ENOPH1: variants seen among roughly 807,000 people sequenced by gnomAD.
The protein encoded by ENOPH1 is enolase-phosphatase 1.
In ENOPH1, 14 loss-of-function variants were observed where a neutral mutation model predicts 31.1. The ratio of observed to expected loss-of-function variants is 0.45; its 90% CI spans 0.30 to 0.70. The LOEUF (loss-of-function observed/expected upper bound fraction) is 0.70. Ranked by LOEUF, ENOPH1 falls within the 30% of genes least tolerant of loss-of-function variation. The probability of loss-of-function intolerance (pLI) is 0.09; values close to 1 mark genes in which losing one functional copy is unlikely to be tolerated. For synonymous variants in ENOPH1, 127 were observed against 123.2 expected, an observed-to-expected ratio of 1.03 and a Z score of -0.21; for missense variants, 243 against 321.5, an observed-to-expected ratio of 0.76 and a Z score of 1.87.
chr4:82,457,337 C>T (rs1043841455), intron 5 of ENOPH1, among the ~76,000 whole-genome samples: 6 of 152,086 alleles, frequency 3.9e-5, no homozygotes, highest in African/African-American at 1.4e-4. Context: ...AATGTAAGAC[C>T]TCTGTCTCTA....
At chr4:82,445,729 C>G (rs753720132) in intron 1 of ENOPH1, among the ~76,000 whole-genome samples, 5 of 152,168 alleles carry the variant, frequency 3.3e-5, no homozygotes, top group Non-Finnish European at 5.9e-5. Context: ...AGGCATGAGC[C>G]ACCATGCCCA....
intron 1 of ENOPH1, among the ~76,000 whole-genome samples, chr4:82,444,933 T>C (rs1352615876): frequency 1.3e-5 from 2 of 152,234 alleles, no homozygotes; most frequent in East Asian, 3.8e-4. Flanking sequence ...AAACATTTAT[T>C]GTCAATGGGT....
intron 1 of ENOPH1, 51 bp downstream of exon 1, chr4:82,430,964 T>G (rs371979177): frequency 7.3e-5 from 113 of 1,546,328 alleles, no homozygotes; most frequent in Middle Eastern, 1.7e-4. Context: ...AAACAGTTAT[T>G]ATTTTTTCTA....
Position 82,461,021 on chromosome 4 carries a change from C to T in ENOPH1, c.*901C>T, listed in dbSNP as rs1722632303. ...AAATTTTATAACAGCAGTATTTATC[C>T]TGGTTTAATTCTAATACGATGTCAT... On this transcript the variant is annotated 3_prime_UTR_variant, in exon 6 of 6. Coordinates refer to ENST00000273920, the MANE Select transcript of ENOPH1 (RefSeq NM_021204.5). 6.6e-6 allele frequency: 1 copy of T among 152,152 alleles called. No homozygotes were observed. The highest frequency in any genetic ancestry group is 2.4e-5 in the African/African-American group (1 of 41,438). The allele number at this position is 152,152 out of a possible 1,614,324, so 9.4% of individuals were successfully genotyped here.
At chr4:82,457,905 C>G (rs1722532290) in intron 5 of ENOPH1, among the ~76,000 whole-genome samples, 1 of 152,190 alleles carries the variant, frequency 6.6e-6, no homozygotes, top group Non-Finnish European at 1.5e-5. Flanking sequence ...AATTTCAGAT[C>G]TTTCTCTTCT....
chr4:82,456,880 T>G (rs1722503167), intron 4 of ENOPH1, 35 bp from the exon 5 acceptor site: 1 of 1,609,424 alleles, frequency 6.2e-7, no homozygotes, highest in African/African-American at 1.3e-5. Context: ...GCAAGTGTAT[T>G]TGTATTGCCA....
Position 82,448,006 on chromosome 4 carries a change from T to C in ENOPH1, c.171T>C (p.Ser57=). 1.2e-6 allele frequency: 2 copies of C among 1,611,180 alleles called. No individual in the cohort carries two copies. The highest frequency in any genetic ancestry group is 8.5e-7 in the Non-Finnish European group (1 of 1,177,784). The change falls in exon 2 of 6, where the codon AGT becomes AGC. Residue 57 remains serine (S), a synonymous_variant. Coordinates refer to ENST00000273920, the MANE Select transcript of ENOPH1 (RefSeq NM_021204.5). ...AAGAGGAGTGCCAGCAGGATGTCAG[T>C]CTTTTGAGGAAACAGGTTGGGACAT... ...WEEEECQQDV[S]LLRKQAEEDA... is the part of the protein sequence containing the mutation.
chr4:82,440,623 C>G (rs1267755014), intron 1 of ENOPH1, among the ~76,000 whole-genome samples: 1 of 152,216 alleles, frequency 6.6e-6, no homozygotes, highest in Non-Finnish European at 1.5e-5. Context: ...CTTTCTGGAA[C>G]TCATTGGAGA....
intron 3 of ENOPH1, among the ~76,000 whole-genome samples, chr4:82,453,965 G>A (rs1474824169): frequency 6.6e-6 from 1 of 151,944 alleles, no homozygotes; most frequent in Non-Finnish European, 1.5e-5. Flanking sequence ...CAGCACTTTG[G>A]GAGGCTGAAG....
chr4:82,430,731 G>C lies in ENOPH1; in HGVS notation c.-99G>C. On this transcript the variant is annotated 5_prime_UTR_variant, in exon 1 of 6. Coordinates refer to ENST00000273920, the MANE Select transcript of ENOPH1 (RefSeq NM_021204.5). ...GCTGGCTCCGAGATCGCGCGGGGCCGCCGGAAGCCCAAGACGGTACCGGGG... is the reference window on the plus strand; with the variant it reads ...GCTGGCTCCGAGATCGCGCGGGGCCCCCGGAAGCCCAAGACGGTACCGGGG... The C allele has an allele frequency of 1.7e-6, 2 of 1,145,872 alleles. No individual in the cohort carries two copies. Among genetic ancestry groups the C allele is most frequent in the Non-Finnish European group, 2.6e-6 (2 of 781,992 alleles). The allele number at this position is 1,145,872 out of a possible 1,614,324, so 71.0% of individuals were successfully genotyped here.
chr4:82,456,661 A>G (rs1296643994), intron 4 of ENOPH1, among the ~76,000 whole-genome samples: 1 of 152,202 alleles, frequency 6.6e-6, no homozygotes, highest in Non-Finnish European at 1.5e-5. Flanking sequence ...ATGTAAAATG[A>G]ACGGTAGTGA....
At chr4:82,446,998 G>A (rs1238375267) in intron 1 of ENOPH1, among the ~76,000 whole-genome samples, 1 of 151,536 alleles carries the variant, frequency 6.6e-6, no homozygotes, top group East Asian at 1.9e-4. Context: ...GAGCCACCGC[G>A]CCTGGCCAAC....
chr4:82,460,285 G>T lies in ENOPH1; in HGVS notation c.*165G>T. 1 of 589,370 alleles carries T rather than the reference G, an allele frequency of 1.7e-6. No homozygotes were observed. 36.5% of individuals were successfully genotyped at this position (589,370 alleles called of 1,614,324 possible). ...GATTAACTTCCATAGGTACATAAGT[G>T]AAAGAAGTCTCAGTTCAGTGAACAC... is the stretch of plus-strand genomic sequence containing the variant. On this transcript the variant is annotated 3_prime_UTR_variant, in exon 6 of 6. Coordinates refer to ENST00000273920, the MANE Select transcript of ENOPH1 (RefSeq NM_021204.5).
chr4:82,446,689 C>CTTTTTT (rs1175624219), intron 1 of ENOPH1, among the ~76,000 whole-genome samples: 9 of 67,508 alleles, frequency 1.3e-4, no homozygotes, highest in Non-Finnish European at 2.2e-4. Context: ...GTGACGGAAT[C>CTTTTTT]TTTTTTTTTT....
In ENOPH1 at chr4:82,454,846, A is replaced by G; in HGVS notation, c.514A>G (p.Ile172Val). 1 of 1,611,952 alleles carries G rather than the reference A, an allele frequency of 6.2e-7. No individual in the cohort carries two copies. The highest frequency in any genetic ancestry group is 8.5e-7 in the Non-Finnish European group (1 of 1,179,468). ...LLFGHSTEGD[I>V]LELVDGHFDT... is the part of the protein sequence containing the mutation. Reference sequence around the variant, plus strand: ...ATTCGGGCATTCTACGGAGGGAGATATTCTTGAGGTAGGTTACCTAGTTTA... The same window carrying G: ...ATTCGGGCATTCTACGGAGGGAGATGTTCTTGAGGTAGGTTACCTAGTTTA... The change falls in exon 4 of 6, where the codon ATT (isoleucine) becomes GTT (valine). Residue 172 changes from isoleucine to valine, a missense_variant. Physicochemically the swap from Ile to Val is conservative, Grantham distance 29. Transcript: ENST00000273920.
chr4:82,447,353 G>A (rs1722222752), intron 1 of ENOPH1, among the ~76,000 whole-genome samples: 1 of 152,122 alleles, frequency 6.6e-6, no homozygotes, highest in African/African-American at 2.4e-5. Context: ...TGGTGATCAA[G>A]TTTGTTTTGT....
chr4:82,456,519 T>C (rs1373702728), intron 4 of ENOPH1, among the ~76,000 whole-genome samples: 1 of 152,178 alleles, frequency 6.6e-6, no homozygotes, highest in Non-Finnish European at 1.5e-5. Context: ...TTAGAGAAAT[T>C]TTTTCATCGT....
intron 1 of ENOPH1, among the ~76,000 whole-genome samples, chr4:82,438,078 T>A (rs1319667042): frequency 1.3e-5 from 2 of 152,150 alleles, no homozygotes; most frequent in Admixed American, 6.5e-5. Flanking sequence ...TTAACAAAAT[T>A]AAGATAAAAA....
chr4:82,447,343 T>C (rs905245069), intron 1 of ENOPH1, among the ~76,000 whole-genome samples: 3 of 152,076 alleles, frequency 2.0e-5, no homozygotes, highest in Non-Finnish European at 4.4e-5. Context: ...GAAAGAGTCA[T>C]GGTGATCAAG....
Sources: gnomAD v4.1 joint callset for allele counts (sites outside exome capture counted in the v4.1 genomes callset) on GRCh38, gnomAD v4.1.1 for gene constraint, MANE v1.5 for transcripts, NCBI Gene and HGNC (gene_info 2026-07-23, HGNC 2026-07-21) for gene names.